ROBO2: variants seen among roughly 807,000 people sequenced by gnomAD.
ROBO2 encodes roundabout guidance receptor 2.
Under a neutral mutation model 160.8 loss-of-function variants are expected in ROBO2, and 53 were observed. The observed-to-expected ratio is 0.33, with a 90% CI of 0.26 to 0.41. ROBO2 has a LOEUF of 0.41. Ranked by LOEUF, ROBO2 falls within the 10% of genes least tolerant of loss-of-function variation. ROBO2 has a pLI of 1.00. For synonymous variants in ROBO2, 664 were observed against 611.7 expected (o/e 1.09, Z -1.26); for missense variants, 1,577 against 1,722.4 (o/e 0.92, Z 1.49).
In ROBO2 at chr3:77,366,184, A is replaced by C. The variant is rs539801076; in HGVS notation, c.389-111230A>C. 4.8e-4 allele frequency among the ~76,000 whole-genome samples: 73 copies of C among 152,264 alleles called. 1 individual carries two copies. Among genetic ancestry groups the C allele is most frequent in the South Asian group, 1.9e-3 (9 of 4,822 alleles). ...CTTTAGAAAGAAATAGTTTGAAAAA[A>C]TTTCAAGTCTTTTAGAGAATGTGAC... On this transcript the variant is annotated intron_variant, in intron 2 of 25. Transcript: ENST00000461745.
intron 1 of ROBO2, among the ~76,000 whole-genome samples, chr3:77,093,558 T>A (rs1280918199): frequency 6.6e-6 from 1 of 152,080 alleles, no homozygotes; most frequent in Admixed American, 6.6e-5. Flanking sequence ...GCCTCCCCCT[T>A]AACAATAATA....
At chr3:77,005,190 T>C (rs765341617) in intron 2 of ROBO2, among the ~76,000 whole-genome samples, 5 of 152,162 alleles carry the variant, frequency 3.3e-5, no homozygotes, top group Non-Finnish European at 7.4e-5. Flanking sequence ...GAAAAGCTTT[T>C]CCTGACTCTA....
chr3:76,740,266 G>A (rs1006525398), intron 2 of ROBO2, among the ~76,000 whole-genome samples: 3 of 152,156 alleles, frequency 2.0e-5, no homozygotes, highest in Admixed American at 2.0e-4. Flanking sequence ...GTGTGTTGAT[G>A]AGTGCAGAAA....
At chr3:76,766,970 A>C (rs2061607030) in intron 2 of ROBO2, among the ~76,000 whole-genome samples, 1 of 151,594 alleles carries the variant, frequency 6.6e-6, no homozygotes. Flanking sequence ...TGAAAGAATA[A>C]TTCACTTCAC....
At chr3:76,398,455 C>A (rs1229374647) in intron 2 of ROBO2, among the ~76,000 whole-genome samples, 1 of 151,604 alleles carries the variant, frequency 6.6e-6, no homozygotes, top group Non-Finnish European at 1.5e-5. Context: ...TGCACATATA[C>A]CCTAAAACTT....
chr3:76,061,775 C>A (rs2068076920), intron 2 of ROBO2, among the ~76,000 whole-genome samples: 1 of 152,054 alleles, frequency 6.6e-6, no homozygotes, highest in Non-Finnish European at 1.5e-5. Context: ...CCTAGAAATT[C>A]AACAAGGGTC....
At chr3:76,044,585 T>C (rs2067388816) in intron 2 of ROBO2, among the ~76,000 whole-genome samples, 1 of 151,906 alleles carries the variant, frequency 6.6e-6, no homozygotes, top group Non-Finnish European at 1.5e-5. Context: ...ATTCAACACA[T>C]AGCTTTTGTT....
chr3:77,523,370 A>C (rs2090812240), intron 6 of ROBO2, among the ~76,000 whole-genome samples: 1 of 151,340 alleles, frequency 6.6e-6, no homozygotes, highest in African/African-American at 2.4e-5. Context: ...AATGCTTCCA[A>C]AGGTGAAAAT....
exon 8 of ROBO2, chr3:77,550,973 A>G (rs908992923): frequency 6.2e-6 from 10 of 1,612,648 alleles, no homozygotes; most frequent in South Asian, 1.1e-5. Flanking sequence ...CAAAAGCTCA[A>G]CTGGAGGTTA....
At chr3:75,950,327 A>C (rs1948486649) in intron 2 of ROBO2, among the ~76,000 whole-genome samples, 2 of 152,154 alleles carry the variant, frequency 1.3e-5, no homozygotes, top group South Asian at 4.1e-4. Flanking sequence ...TAAGAAATTA[A>C]AACACACATC....
Position 77,135,729 on chromosome 3 carries a change from A to G in ROBO2, c.388+37389A>G, listed in dbSNP as rs182794321. Among the ~76,000 whole-genome samples, 52 of 152,280 alleles carry G rather than the reference A, an allele frequency of 3.4e-4. No homozygotes were observed. In the East Asian group the frequency reaches 8.7e-3, roughly 25 times the overall value. On this transcript the variant is annotated intron_variant, in intron 2 of 25. Coordinates refer to ENST00000461745, the Ensembl canonical transcript of ROBO2. ...CCAGCCGCAATATCTTAATACACCA[A>G]TGTTGACTGTAGAATGTTTCTGCCC...
rs2082576618 is a variant in ROBO2 at position 76,537,531 on chromosome 3, A to G, written c.110-560483A>G. Among the ~76,000 whole-genome samples the G allele has an allele frequency of 2.0e-5, 3 of 152,156 alleles. No individual in the cohort carries two copies. The South Asian group carries it at 6.2e-4, about 32-fold the overall frequency. ...GAGGCTGGAGAAGAGGGTGAAAAAG[A>G]CCACTTACCCGATTTGAAATTGGTG... On this transcript the variant is annotated intron_variant, in intron 2 of 26. Transcript: ENST00000487694.
At chr3:76,827,051 A>G (rs1318591755) in intron 2 of ROBO2, among the ~76,000 whole-genome samples, 1 of 152,162 alleles carries the variant, frequency 6.6e-6, no homozygotes, top group African/African-American at 2.4e-5. Flanking sequence ...GTCGCACATG[A>G]CAATATACGG....
At chr3:76,764,620 T>G (rs573081487) in intron 2 of ROBO2, among the ~76,000 whole-genome samples, 1 of 151,890 alleles carries the variant, frequency 6.6e-6, no homozygotes, top group African/African-American at 2.4e-5. Flanking sequence ...TTATCAAGTT[T>G]AATTCAGTAT....
At chr3:77,116,596 A>G (rs1438729799) in intron 2 of ROBO2, among the ~76,000 whole-genome samples, 1 of 152,166 alleles carries the variant, frequency 6.6e-6, no homozygotes, top group African/African-American at 2.4e-5. Flanking sequence ...TAGAACTTCA[A>G]GGAAGTATTT....
intron 2 of ROBO2, among the ~76,000 whole-genome samples, chr3:77,359,201 C>T (rs1045625095): frequency 1.3e-5 from 2 of 152,178 alleles, no homozygotes; most frequent in African/African-American, 4.8e-5. Context: ...GACACGTTCA[C>T]TGAACTGCAA....
intron 2 of ROBO2, among the ~76,000 whole-genome samples, chr3:77,328,100 C>T (rs2065618500): frequency 1.3e-5 from 2 of 148,262 alleles, no homozygotes; most frequent in African/African-American, 5.0e-5. Flanking sequence ...AAAAAAGGAA[C>T]ATTAGAAATG....
chr3:76,798,258 AGG>A (rs1491413292), intron 2 of ROBO2, among the ~76,000 whole-genome samples: 7 of 143,064 alleles, frequency 4.9e-5, no homozygotes, highest in African/African-American at 1.9e-4. Context: ...GAAAGAAAGA[AGG>A]AAAGAAAGAA....
intron 2 of ROBO2, among the ~76,000 whole-genome samples, chr3:76,294,152 C>A (rs943211441): frequency 3.9e-5 from 6 of 152,240 alleles, no homozygotes; most frequent in African/African-American, 1.4e-4. Context: ...TGCCGGGAGT[C>A]GGGGAGACCA....
Sources: gnomAD v4.1 joint callset for allele counts (sites outside exome capture counted in the v4.1 genomes callset) on GRCh38, gnomAD v4.1.1 for gene constraint, MANE v1.5 for transcripts, NCBI Gene and HGNC (gene_info 2026-07-23, HGNC 2026-07-21) for gene names.